ZNF470: variants seen among roughly 807,000 people sequenced by gnomAD.
ZNF470 encodes the protein chondrogenesis zinc finger protein 1.
Under a neutral mutation model 13.9 loss-of-function variants are expected in ZNF470, and 13 were observed. The ratio of observed to expected loss-of-function variants is 0.94; its 90% CI spans 0.61 to 1.49. ZNF470 has a LOEUF of 1.49. Among genes scored for constraint, ZNF470 ranks in the 40% most tolerant of loss-of-function variants. The pLI is 0.00. For missense variants in ZNF470, 929 were observed against 857.3 expected (o/e 1.08, Z -1.04); for synonymous variants, 293 against 282.9 (o/e 1.04, Z -0.36).
rs746957046 is a variant in ZNF470 at position 56,576,694 on chromosome 19, C to T, written c.284-19C>T. The T allele has an allele frequency of 2.2e-6, 3 of 1,368,836 alleles. No individual in the cohort carries two copies. The African/African-American group carries it at 4.4e-5, about 20-fold the overall frequency. The allele number at this position is 1,368,836 out of a possible 1,614,324, so 84.8% of individuals were successfully genotyped here. ...TAGCATTTAATAAAGGAGACATTTA[C>T]TTTCTTAATATCTTTCAGACTTGGA... On this transcript the variant is annotated intron_variant, in intron 5 of 5. Coordinates refer to ENST00000330619, the MANE Select transcript of ZNF470 (RefSeq NM_001001668.4).
At chr19:56,569,139 T>C (rs908516345) in intron 2 of ZNF470, among the ~76,000 whole-genome samples, 1 of 152,214 alleles carries the variant, frequency 6.6e-6, no homozygotes, top group African/African-American at 2.4e-5. Flanking sequence ...ATTTTTATCA[T>C]CATTATGATA....
In ZNF470 at chr19:56,579,721, CAACTTA is replaced by C. The variant is rs2044521372; in HGVS notation, c.*1145_*1150del. 1 of 982,468 alleles carries C rather than the reference CAACTTA, an allele frequency of 1.0e-6. No homozygotes were observed. Among genetic ancestry groups the C allele is most frequent in the African/African-American group, 1.8e-5 (1 of 57,138 alleles). 60.9% of individuals were successfully genotyped at this position (982,468 alleles called of 1,614,324 possible). A position where few individuals can be genotyped will look rare whatever the true frequency, so the allele number is the denominator to read the frequency against. On this transcript the variant is annotated 3_prime_UTR_variant, in exon 6 of 6. Coordinates refer to ENST00000330619, the MANE Select transcript of ZNF470 (RefSeq NM_001001668.4). ...AATTAGTTTCTGAATGTAGATGTTACAACTTAAACTTATTTTTAAAATATTTAAAAA... is the reference window on the plus strand; with the variant it reads ...AATTAGTTTCTGAATGTAGATGTTACAACTTATTTTTAAAATATTTAAAAA...
In ZNF470 at chr19:56,581,654, A is replaced by T; in HGVS notation, c.*3071A>T. The T allele has an allele frequency of 1.0e-6, 1 of 959,498 alleles. No homozygotes were observed. The highest frequency in any genetic ancestry group is 1.2e-6 in the Non-Finnish European group (1 of 806,346). The allele number at this position is 959,498 out of a possible 1,614,324, so 59.4% of individuals were successfully genotyped here. On this transcript the variant is annotated 3_prime_UTR_variant, in exon 6 of 6. Coordinates refer to ENST00000330619, the MANE Select transcript of ZNF470 (RefSeq NM_001001668.4). ...CAGACCTGTATTGTAGTATAGGCCCATAATTGTGATATCAAAAATAAAAAT... is the reference window on the plus strand; with the variant it reads ...CAGACCTGTATTGTAGTATAGGCCCTTAATTGTGATATCAAAAATAAAAAT...
At position 56,570,388 on chromosome 19, in the gene ZNF470, C is replaced by T. The variant is rs1483437551; in HGVS notation, c.60+17C>T. On this transcript the variant is annotated intron_variant, in intron 3 of 5. Coordinates refer to ENST00000330619, the MANE Select transcript of ZNF470 (RefSeq NM_001001668.4). Reference sequence around the variant, plus strand: ...ATGTCCCTGGTGAGTTAGTATTCCCCCTCTCCCCACTAAAATAGTTTTGCT... The same window carrying T: ...ATGTCCCTGGTGAGTTAGTATTCCCTCTCTCCCCACTAAAATAGTTTTGCT... The T allele has an allele frequency of 2.0e-5, 33 of 1,612,038 alleles. No individual in the cohort carries two copies. The highest frequency in any genetic ancestry group is 2.6e-5 in the Non-Finnish European group (31 of 1,178,228).
In ZNF470 at chr19:56,582,000, G is replaced by A; in HGVS notation, c.*3417G>A. ...GGTACTTGATTTTTGCCTCCTGTTG[G>A]TCAGTTGCTTGCAAGTAAAGAAACA... On this transcript the variant is annotated 3_prime_UTR_variant, in exon 6 of 6. Coordinates refer to ENST00000330619, the MANE Select transcript of ZNF470 (RefSeq NM_001001668.4). 1.0e-6 allele frequency: 1 copy of A among 985,360 alleles called. No homozygotes were observed. The highest frequency in any genetic ancestry group is 1.7e-5 in the African/African-American group (1 of 57,326). The allele number at this position is 985,360 out of a possible 1,614,324, so 61.0% of individuals were successfully genotyped here. A position where few individuals can be genotyped will look rare whatever the true frequency, so the allele number is the denominator to read the frequency against.
intron 5 of ZNF470, 42 bp from the exon 6 acceptor site, chr19:56,576,671 G>A: frequency 7.4e-7 from 1 of 1,356,746 alleles, no homozygotes; most frequent in Non-Finnish European, 9.6e-7. Context: ...CATTATTCTA[G>A]CATTTAATAA....
intron 5 of ZNF470, among the ~76,000 whole-genome samples, chr19:56,575,919 A>G (rs761134990): frequency 2.0e-5 from 3 of 152,208 alleles, no homozygotes; most frequent in Admixed American, 6.6e-5. Flanking sequence ...GAAAGCCCAG[A>G]TAAGTTATAT....
rs1367792557 is a variant in ZNF470, at chr19:56,581,336, A to G, written c.*2753A>G. 1 of 874,824 alleles carries G rather than the reference A, an allele frequency of 1.1e-6. No individual in the cohort carries two copies. The highest frequency in any genetic ancestry group is 1.4e-6 in the Non-Finnish European group (1 of 729,310). 54.2% of individuals were successfully genotyped at this position (874,824 alleles called of 1,614,324 possible). ...ACTGACTAATCGAGTGATAACATTC[A>G]GTATTGGTGAATGTGTGGAAACAAG... On this transcript the variant is annotated 3_prime_UTR_variant, in exon 6 of 6. Coordinates refer to ENST00000330619, the MANE Select transcript of ZNF470 (RefSeq NM_001001668.4).
chr19:56,577,109 T>C lies in ZNF470; in HGVS notation c.680T>C (p.Leu227Pro). 7 of 1,609,594 alleles carry C rather than the reference T, an allele frequency of 4.3e-6. No individual in the cohort carries two copies. The highest frequency in any genetic ancestry group is 5.1e-6 in the Non-Finnish European group (6 of 1,178,916). ...KHKQDRGEKK[L>P]LKCNDCEKIF... The stretch of plus-strand genomic sequence containing the variant: ...AAGCAAGACCGTGGAGAAAAGAAAC[T>C]TTTAAAATGTAATGACTGTGAGAAA... Residue 227 changes from leucine to proline, a missense_variant, in exon 6 of 6, where the codon CTT becomes CCT. Coordinates refer to ENST00000330619, the MANE Select transcript of ZNF470 (RefSeq NM_001001668.4).
At position 56,581,607 on chromosome 19, in the gene ZNF470, TG is replaced by T; in HGVS notation, c.*3025del. The stretch of plus-strand genomic sequence containing the variant: ...GTGTGTAGTCATAGAAAGATAGCTG[TG>T]CTATACTAAATGAAAAATTGCAGAC... On this transcript the variant is annotated 3_prime_UTR_variant, in exon 6 of 6. Coordinates refer to ENST00000330619, the MANE Select transcript of ZNF470 (RefSeq NM_001001668.4). 1.2e-6 allele frequency: 1 copy of T among 836,780 alleles called. No homozygotes were observed. Among genetic ancestry groups the T allele is most frequent in the Non-Finnish European group, 1.4e-6 (1 of 694,450 alleles). The allele number at this position is 836,780 out of a possible 1,614,324, so 51.8% of individuals were successfully genotyped here.
chr19:56,569,071 A>T (rs2044432023), intron 2 of ZNF470, among the ~76,000 whole-genome samples, 188 bp downstream of exon 2: 1 of 152,224 alleles, frequency 6.6e-6, no homozygotes, highest in South Asian at 2.1e-4. Flanking sequence ...TGTCATAAGG[A>T]TTAAATGACC....
Position 56,567,661 on chromosome 19 carries a change from G to A in ZNF470, c.-536G>A. On this transcript the variant is annotated 5_prime_UTR_variant, in exon 1 of 6. Coordinates refer to ENST00000330619, the MANE Select transcript of ZNF470 (RefSeq NM_001001668.4). ...GTGAGTGCCCATACGTGGTGAGCGT[G>A]CGGTGCTGTGCTGAGGAGGGGCGAG... 1.0e-6 allele frequency: 1 copy of A among 987,234 alleles called. No individual in the cohort carries two copies. The highest frequency in any genetic ancestry group is 1.2e-6 in the Non-Finnish European group (1 of 831,226). The allele number at this position is 987,234 out of a possible 1,614,324, so 61.2% of individuals were successfully genotyped here.
rs2044443362 is a variant in ZNF470, at chr19:56,570,359, AGC to A, written c.49_50del (p.Ala17HisfsTer19). ...AGGTGGCAGGAATTAAACTTTGTAA[AGC>A]CATGTCCCTGGTGAGTTAGTATTCC... Reference protein sequence around the residue: ...VEVAGIKLCKAMSLGSVTFTD... With the variant: ...VEVAGIKLCKXMSLGSVTFTD... On this transcript the variant is annotated frameshift_variant, in exon 3 of 6. Coordinates refer to ENST00000330619, the MANE Select transcript of ZNF470 (RefSeq NM_001001668.4). LOFTEE classifies it high-confidence loss of function. 1.9e-6 allele frequency: 3 copies of A among 1,613,982 alleles called. No homozygotes were observed. In the Admixed American group the frequency reaches 5.0e-5, roughly 27 times the overall value.
intron 3 of ZNF470, among the ~76,000 whole-genome samples, chr19:56,571,503 C>A (rs1326863269): frequency 6.6e-6 from 1 of 152,098 alleles, no homozygotes; most frequent in Non-Finnish European, 1.5e-5. Context: ...AACTGTTAAT[C>A]TAGTTTCACC....
At position 56,580,970 on chromosome 19, in the gene ZNF470, C is replaced by T; in HGVS notation, c.*2387C>T. ...AAGGTCTAAATGTAAAATTAAAGTA[C>T]ATGAAAAACAGAATAATATATATGT... is the stretch of plus-strand genomic sequence containing the variant. On this transcript the variant is annotated 3_prime_UTR_variant, in exon 6 of 6. Transcript: ENST00000330619. 1 of 984,634 alleles carries T rather than the reference C, an allele frequency of 1.0e-6. No homozygotes were observed. The highest frequency in any genetic ancestry group is 1.7e-5 in the African/African-American group (1 of 57,292). The allele number at this position is 984,634 out of a possible 1,614,324, so 61.0% of individuals were successfully genotyped here.
intron 3 of ZNF470, among the ~76,000 whole-genome samples, chr19:56,572,371 A>AAAT (rs2044459428): frequency 5.2e-4 from 9 of 17,238 alleles, no homozygotes; most frequent in African/African-American, 3.3e-3. Flanking sequence ...AAAAAAAAAA[A>AAAT]ATATATATAT....
In ZNF470 at chr19:56,567,923, G is replaced by A; in HGVS notation, c.-274G>A. 7.1e-6 allele frequency: 7 copies of A among 985,714 alleles called. No individual in the cohort carries two copies. The highest frequency in any genetic ancestry group is 8.4e-6 in the Non-Finnish European group (7 of 830,172). 61.1% of individuals were successfully genotyped at this position (985,714 alleles called of 1,614,324 possible). On this transcript the variant is annotated 5_prime_UTR_variant, in exon 1 of 6. Coordinates refer to ENST00000330619, the MANE Select transcript of ZNF470 (RefSeq NM_001001668.4). ...GAGCCCGGGGAAGTTGCCCGGGCGGGGCAGCCTCGGCTGAAGCATTTCCTG... is the reference window on the plus strand; with the variant it reads ...GAGCCCGGGGAAGTTGCCCGGGCGGAGCAGCCTCGGCTGAAGCATTTCCTG...
rs911498760 is a variant in ZNF470, at chr19:56,567,782, T to A, written c.-415T>A. The A allele has an allele frequency of 1.4e-5, 14 of 986,628 alleles. 1 individual carries two copies. The South Asian group carries it at 4.7e-4, about 33-fold the overall frequency. 61.1% of individuals were successfully genotyped at this position (986,628 alleles called of 1,614,324 possible). A position where few individuals can be genotyped will look rare whatever the true frequency, so the allele number is the denominator to read the frequency against. ...GCCCGGCGGCGTGCGGAAGGCGGTG[T>A]GTGTTGGAATGAGTGAAGCACTTTA... On this transcript the variant is annotated 5_prime_UTR_variant, in exon 1 of 6. Coordinates refer to ENST00000330619, the MANE Select transcript of ZNF470 (RefSeq NM_001001668.4).
intron 3 of ZNF470, among the ~76,000 whole-genome samples, chr19:56,571,741 TG>T: frequency 6.6e-6 from 1 of 151,418 alleles, no homozygotes; most frequent in African/African-American, 2.4e-5. Flanking sequence ...CCCAAGTAGC[TG>T]GGATTACAGG....
Sources: gnomAD v4.1 joint callset for allele counts (sites outside exome capture counted in the v4.1 genomes callset) on GRCh38, gnomAD v4.1.1 for gene constraint, MANE v1.5 for transcripts, NCBI Gene and HGNC (gene_info 2026-07-23, HGNC 2026-07-21) for gene names.